The following SIX4 variants were observed in gnomAD, a reference collection of about 807,000 sequenced individuals.
The protein encoded by SIX4 is homeobox protein SIX4.
Under a neutral mutation model 51.5 loss-of-function variants are expected in SIX4, and 23 were observed. The observed-to-expected ratio is 0.45, with a 90% CI of 0.32 to 0.63. The LOEUF is 0.63. SIX4 is among the 30% of genes least tolerant of loss of function. The pLI, the probability that SIX4 is intolerant of heterozygous loss-of-function variation, is 0.04. For synonymous variants in SIX4, 413 were observed against 417.3 expected, an observed-to-expected ratio of 0.99 and a Z score of 0.13; for missense variants, 867 against 984.0, an observed-to-expected ratio of 0.88 and a Z score of 1.59.
intron 1 of SIX4, among the ~76,000 whole-genome samples, chr14:60,721,403 AT>A (rs1243795692): frequency 6.6e-6 from 1 of 152,168 alleles, no homozygotes; most frequent in Non-Finnish European, 1.5e-5. Context: ...AGGATCCGAC[AT>A]CCCCGCAGTG....
rs1008830976 is a variant in SIX4, at chr14:60,717,008, A to C, written c.1549+2752T>G. ...CTGTTTCAGACCACACATATGAAAA[A>C]ACTGCTTTTATTTGAAAACACTGCC... On this transcript the variant is annotated intron_variant, in intron 2 of 2. Transcript: ENST00000216513. This position sits in a 1 kb window ranked among gnomAD's most constrained non-coding sequence, Gnocchi z 4.6. 1.2e-5 allele frequency: 3 copies of C among 248,440 alleles called. No homozygotes were observed. Among genetic ancestry groups the C allele is most frequent in the Non-Finnish European group, 2.3e-5 (3 of 128,362 alleles). The allele number at this position is 248,440 out of a possible 1,614,324, so 15.4% of individuals were successfully genotyped here. A position where few individuals can be genotyped will look rare whatever the true frequency, so the allele number is the denominator to read the frequency against.
At position 60,720,478 on chromosome 14, in the gene SIX4, G is replaced by A; in HGVS notation, c.864-33C>T. On this transcript the variant is annotated intron_variant, in intron 1 of 2. Transcript: ENST00000216513. This position sits in a 1 kb window ranked among gnomAD's most constrained non-coding sequence, Gnocchi z 5.5. ...GAGGGGGAAATCAAAATGTTCAGAAGGTCAGGGGGATGACATTCTACACAG... is the reference window on the plus strand; with the variant it reads ...GAGGGGGAAATCAAAATGTTCAGAAAGTCAGGGGGATGACATTCTACACAG... The A allele has an allele frequency of 6.3e-7, 1 of 1,578,656 alleles. No individual in the cohort carries two copies.
In SIX4 at chr14:60,712,242, T is replaced by G. The variant is rs1475868676; in HGVS notation, c.*1165A>C. The G allele has an allele frequency of 6.6e-6, 1 of 152,620 alleles. No homozygotes were observed. The highest frequency in any genetic ancestry group is 2.4e-5 in the African/African-American group (1 of 41,448). The allele number at this position is 152,620 out of a possible 1,614,324, so 9.5% of individuals were successfully genotyped here. A position where few individuals can be genotyped will look rare whatever the true frequency, so the allele number is the denominator to read the frequency against. ...TTGTAATGAAAAGTATCAACAATAA[T>G]TAGTTGTTTATCCATTTGTGTGATA... On this transcript the variant is annotated 3_prime_UTR_variant, in exon 3 of 3. Coordinates refer to ENST00000216513, the MANE Select transcript of SIX4 (RefSeq NM_017420.5).
chr14:60,720,815 A>C lies in SIX4; in HGVS notation c.864-370T>G, dbSNP rs1896006663. On this transcript the variant is annotated intron_variant, in intron 1 of 2. Transcript: ENST00000216513. This position sits in a 1 kb window ranked among gnomAD's most constrained non-coding sequence, Gnocchi z 5.5. ...GACACCATAGAAAAAAACACCTTAAATGAGGTGGTCGGTCTTTCCTGTTTA... is the reference window on the plus strand; with the variant it reads ...GACACCATAGAAAAAAACACCTTAACTGAGGTGGTCGGTCTTTCCTGTTTA... Among the ~76,000 whole-genome samples, 1 of 152,302 alleles carries C rather than the reference A, an allele frequency of 6.6e-6. No individual in the cohort carries two copies. The highest frequency in any genetic ancestry group is 1.5e-5 in the Non-Finnish European group (1 of 67,996).
At chr14:60,718,620 GTAACT>G (rs1315212478) in intron 2 of SIX4, among the ~76,000 whole-genome samples, 2 of 152,164 alleles carry the variant, frequency 1.3e-5, no homozygotes. Context: ...ATGTTAGATA[GTAACT>G]TAACTCTTTC....
intron 2 of SIX4, chr14:60,718,099 A>T (rs922830736): frequency 1.4e-4 from 22 of 157,486 alleles, no homozygotes; most frequent in African/African-American, 4.3e-4. Flanking sequence ...TTTCCACATA[A>T]ATCCCAACTA....
In SIX4 at chr14:60,724,211, C is replaced by T. The variant is rs773819973; in HGVS notation, c.-137G>A. On this transcript the variant is annotated 5_prime_UTR_variant, in exon 1 of 3. Coordinates refer to ENST00000216513, the MANE Select transcript of SIX4 (RefSeq NM_017420.5). ...AAGCCCACTCCCTCCCTCCTGGTTTCGGCTGTATCTGGCCGATCAGGTTTC... is the reference window on the plus strand; with the variant it reads ...AAGCCCACTCCCTCCCTCCTGGTTTTGGCTGTATCTGGCCGATCAGGTTTC... 3.2e-6 allele frequency: 5 copies of T among 1,558,140 alleles called. No individual in the cohort carries two copies. Among genetic ancestry groups the T allele is most frequent in the Non-Finnish European group, 4.3e-6 (5 of 1,158,474 alleles).
intron 2 of SIX4, among the ~76,000 whole-genome samples, chr14:60,718,723 A>G (rs1895964134): frequency 6.6e-6 from 1 of 152,374 alleles, no homozygotes; most frequent in East Asian, 1.9e-4. Context: ...GCAAATGTAC[A>G]GAATGAAATT....
In SIX4 at chr14:60,723,830, T is replaced by TCCGCCGCCGCTCCGG. The variant is rs773071443; in HGVS notation, c.230_244dup (p.Ala77_Ala81dup). ...AAGTTCCGAGTGGAGTTGTACCTGA[T>TCCGCCGCCGCTCCGG]CCGCCGCCGCTCCGGCCGCCGCCGC... On this transcript the variant is annotated inframe_insertion, in exon 1 of 3. Transcript: ENST00000216513. 2 of 1,523,778 alleles carry TCCGCCGCCGCTCCGG rather than the reference T, an allele frequency of 1.3e-6. No individual in the cohort carries two copies. Among genetic ancestry groups the TCCGCCGCCGCTCCGG allele is most frequent in the Non-Finnish European group, 1.7e-6 (2 of 1,145,892 alleles). The allele number at this position is 1,523,778 out of a possible 1,614,324, so 94.4% of individuals were successfully genotyped here. A position where few individuals can be genotyped will look rare whatever the true frequency, so the allele number is the denominator to read the frequency against.
chr14:60,723,864 C>T lies in SIX4; in HGVS notation c.211G>A (p.Ala71Thr), dbSNP rs1896086612. The T allele has an allele frequency of 3.2e-6, 5 of 1,545,472 alleles. No individual in the cohort carries two copies. The highest frequency in any genetic ancestry group is 2.0e-4 in the Middle Eastern group (1 of 5,080). Residue 71 changes from alanine (A) to threonine (T), a missense_variant, in exon 1 of 3, where the codon GCA (alanine) becomes ACA (threonine). By Grantham distance (58) the Ala-to-Thr change is moderately conservative. Transcript: ENST00000216513. ...GCTCCGGCCGCCGCCGCCGCCACTG[C>T]CCCTTCCTCTCCGCTCACCCTGGCG... ...AAARVSGEEG[A>T]VAAAAAGAAA...
intron 1 of SIX4, among the ~76,000 whole-genome samples, chr14:60,721,569 T>C (rs1386674643): frequency 2.2e-5 from 3 of 138,372 alleles, no homozygotes. Flanking sequence ...GGGTGGGAGG[T>C]AGATCCGGAG....
rs1472305098 is a variant in SIX4 at position 60,711,708 on chromosome 14, C to A, written c.*1699G>T. The A allele has an allele frequency of 6.6e-6, 1 of 151,350 alleles. No homozygotes were observed. Among genetic ancestry groups the A allele is most frequent in the East Asian group, 1.9e-4 (1 of 5,142 alleles). The allele number at this position is 151,350 out of a possible 1,614,324, so 9.4% of individuals were successfully genotyped here. A position where few individuals can be genotyped will look rare whatever the true frequency, so the allele number is the denominator to read the frequency against. ...GCTGAGGCAGGAGAATGGCGTGAAC[C>A]CAGGAGGCAGAGCTTGCAGTGAGCC... On this transcript the variant is annotated 3_prime_UTR_variant, in exon 3 of 3. Transcript: ENST00000216513.
rs1275917684 is a variant in SIX4 at position 60,722,844 on chromosome 14, T to C, written c.863+368A>G. Among the ~76,000 whole-genome samples, 1 of 148,706 alleles carries C rather than the reference T, an allele frequency of 6.7e-6. No individual in the cohort carries two copies. The highest frequency in any genetic ancestry group is 2.0e-4 in the East Asian group (1 of 4,890). On this transcript the variant is annotated intron_variant, in intron 1 of 2. Transcript: ENST00000216513. This position sits in a 1 kb window ranked among gnomAD's most constrained non-coding sequence, Gnocchi z 5.9. ...GGCAGGGAGAGCTACGGTGCCGGTG[T>C]CCACATTTGCTTCGTTAGCCCCTCC...
At position 60,722,682 on chromosome 14, in the gene SIX4, C is replaced by T. The variant is rs1790559236; in HGVS notation, c.863+530G>A. On this transcript the variant is annotated intron_variant, in intron 1 of 2. Transcript: ENST00000216513. The surrounding 1 kb of genome is among the most constrained non-coding windows in gnomAD (Gnocchi z 5.9). ...CACTCTCTTCCCTTCACCAGAGCAG[C>T]CACCGCGACCTCCAGCGCAGGCCCG... is the stretch of plus-strand genomic sequence containing the variant. 1.3e-5 allele frequency among the ~76,000 whole-genome samples: 2 copies of T among 152,116 alleles called. No homozygotes were observed. The highest frequency in any genetic ancestry group is 4.1e-4 in the South Asian group (2 of 4,826).
At chr14:60,724,348 TGGCAGTGGCGGCCG>T in exon 1 of SIX4, 1 of 1,402,122 alleles carries the variant, frequency 7.1e-7, no homozygotes, top group Non-Finnish European at 9.4e-7. Flanking sequence ...GCATACTATA[TGGCAGTGGCGGCCG>T]GGCCGGCCCG....
Position 60,719,857 on chromosome 14 carries a change from G to A in SIX4, c.1452C>T (p.Val484=), listed in dbSNP as rs769336965. 5 of 1,614,080 alleles carry A rather than the reference G, an allele frequency of 3.1e-6. No homozygotes were observed. In the African/African-American group the frequency reaches 6.7e-5, roughly 22 times the overall value. The part of the protein sequence containing the change: ...TPVQINQYGI[V]QIPNSGANSQ... ...TGTTTGCTCCGGAATTGGGGATCTGGACAATGCCATACTGGTTAATTTGCA... is the reference window on the plus strand; with the variant it reads ...TGTTTGCTCCGGAATTGGGGATCTGAACAATGCCATACTGGTTAATTTGCA... The change falls in exon 2 of 3, where the codon GTC becomes GTT. Residue 484 remains valine (V), a synonymous_variant. Coordinates refer to ENST00000216513, the MANE Select transcript of SIX4 (RefSeq NM_017420.5). This position sits in a 1 kb window ranked among gnomAD's most constrained non-coding sequence, Gnocchi z 4.9.
rs764240580 is a variant in SIX4, at chr14:60,713,648, G to C, written c.2105C>G (p.Ala702Gly). 14 of 1,614,122 alleles carry C rather than the reference G, an allele frequency of 8.7e-6. No homozygotes were observed. Among genetic ancestry groups the C allele is most frequent in the Non-Finnish European group, 1.1e-5 (13 of 1,180,046 alleles). Reference sequence around the variant, plus strand: ...TTCTTGGACAAAATCCTGATGTACTGCTGGGGAGGGGTGACCTACCTGATC... The same window carrying C: ...TTCTTGGACAAAATCCTGATGTACTCCTGGGGAGGGGTGACCTACCTGATC... ...AEDQVGHPSPAVHQDFVQEHR... is the reference protein window; with the variant it reads ...AEDQVGHPSPGVHQDFVQEHR... Residue 702 changes from alanine to glycine, a missense_variant, in exon 3 of 3, where the codon GCA becomes GGA. By Grantham distance (60) the Ala-to-Gly change is moderately conservative. Transcript: ENST00000216513.
rs773908814 is a variant in SIX4 at position 60,720,205 on chromosome 14, A to C, written c.1104T>G (p.Ser368=). The C allele has an allele frequency of 1.2e-6, 2 of 1,614,268 alleles. No individual in the cohort carries two copies. The highest frequency in any genetic ancestry group is 3.3e-5 in the Admixed American group (2 of 60,030). Residue 368 remains serine (S), a synonymous_variant, in exon 2 of 3, where the codon TCT becomes TCG. Transcript: ENST00000216513. This position sits in a 1 kb window ranked among gnomAD's most constrained non-coding sequence, Gnocchi z 5.5. ...TAACTCCACTGGGTCCCTGAATAAA[A>C]GAATTTCCATTAAGGAAGACAGGTG... The part of the protein sequence containing the change: ...STSPVFLNGN[S]FIQGPSGVIL...
chr14:60,711,183 C>T lies in SIX4; in HGVS notation c.*2224G>A, dbSNP rs922090511. 2 of 152,424 alleles carry T rather than the reference C, an allele frequency of 1.3e-5. No individual in the cohort carries two copies. The highest frequency in any genetic ancestry group is 2.9e-5 in the Non-Finnish European group (2 of 67,992). 9.4% of individuals were successfully genotyped at this position (152,424 alleles called of 1,614,324 possible). On this transcript the variant is annotated 3_prime_UTR_variant, in exon 3 of 3. Transcript: ENST00000216513. ...TAATCTCAGTAACAGGATCAGCACA[C>T]ACCCAAAGAAAAAACAAGCTCTATG...
Sources: gnomAD v4.1 joint callset for allele counts (sites outside exome capture counted in the v4.1 genomes callset) on GRCh38, gnomAD v4.1.1 for gene constraint, Gnocchi (gnomAD v3.1) non-coding constraint, MANE v1.5 for transcripts, NCBI Gene and HGNC (gene_info 2026-07-23, HGNC 2026-07-21) for gene names.